The following IFT140 variants were observed in gnomAD, a reference collection of about 807,000 sequenced individuals.
IFT140 encodes intraflagellar transport protein 140 homolog.
A neutral mutation model predicts 164.6 loss-of-function variants in IFT140; 133 were observed. The observed-to-expected ratio is 0.81, with a 90% confidence interval of 0.70 to 0.93. The LOEUF is 0.93. Among genes scored for constraint, IFT140 ranks in the 40% least tolerant of loss-of-function variants. The pLI, the probability that IFT140 is intolerant of heterozygous loss-of-function variation, is 0.00. For synonymous variants in IFT140, 860 were observed against 817.3 expected (o/e 1.05, Z -0.89); for missense variants, 2,045 against 1,972.3 (o/e 1.04, Z -0.70).
chr16:1,544,304 C>T (rs1001415556), intron 19 of IFT140, among the ~76,000 whole-genome samples: 3 of 151,974 alleles, frequency 2.0e-5, no homozygotes, highest in African/African-American at 7.3e-5. Flanking sequence ...CTGCCTCAGC[C>T]TCCTGAGCAG....
chr16:1,565,057 A>G (rs1327539341), intron 16 of IFT140, among the ~76,000 whole-genome samples: 1 of 152,208 alleles, frequency 6.6e-6, no homozygotes, highest in African/African-American at 2.4e-5. Context: ...GAACGGACAG[A>G]AGGCAGGGGG....
At chr16:1,555,947 C>CA (rs548788837) in intron 19 of IFT140, among the ~76,000 whole-genome samples, 12 of 150,710 alleles carry the variant, frequency 8.0e-5, no homozygotes, top group Non-Finnish European at 1.5e-4. Context: ...ACTAAAAATC[C>CA]AAAAAAAAAT....
In IFT140 at chr16:1,573,637, C is replaced by T. The variant is rs77960132; in HGVS notation, c.1525-2103G>A. On this transcript the variant is annotated intron_variant, in intron 13 of 30. Transcript: ENST00000426508. ...CTCAGGCTAGAAAACTCAGAACATC[C>T]TCAGTTCTATACTCTCTGTAGCCAC... Among the ~76,000 whole-genome samples, 1,083 of 152,214 alleles carry T rather than the reference C, an allele frequency of 7.1e-3. 14 individuals are homozygous for T. The highest frequency in any genetic ancestry group is 0.025 in the African/African-American group (1,035 of 41,528).
rs546631348 is a variant in IFT140, at chr16:1,558,012, G to A, written c.2322C>T (p.Asp774=). ...GLEDCDKATR[D]AMLHFSFFVT... is the part of the protein sequence containing the mutation. ...CAAAGAAGCTGAAGTGGAGCATGGC[G>A]TCCCGGGTGGCCTTGTCGCAGTCCT... is the stretch of plus-strand genomic sequence containing the variant. Residue 774 remains aspartate (D), a synonymous_variant, in exon 19 of 31, where the codon GAC becomes GAT. Coordinates refer to ENST00000426508, the MANE Select transcript of IFT140 (RefSeq NM_014714.4). 55 of 1,613,916 alleles carry A rather than the reference G, an allele frequency of 3.4e-5. 1 individual carries two copies. In the South Asian group the frequency reaches 4.9e-4, roughly 14 times the overall value.
At chr16:1,540,672 CGG>C in intron 19 of IFT140, 1 of 230,086 alleles carries the variant, frequency 4.3e-6, no homozygotes, top group Non-Finnish European at 7.2e-6. Context: ...GATGCGGGCG[CGG>C]GGACCCGCTC....
chr16:1,569,898 T>A (rs541237497), intron 14 of IFT140, among the ~76,000 whole-genome samples: 79 of 151,266 alleles, frequency 5.2e-4, no homozygotes, highest in South Asian at 1.3e-3. Flanking sequence ...AAAAAAAAAA[T>A]AATAAATAAA....
At chr16:1,580,667 C>T (rs2034509000) in intron 13 of IFT140, 92 bp downstream of exon 13, 1 of 846,038 alleles carries the variant, frequency 1.2e-6, no homozygotes. Flanking sequence ...GACTAATAAC[C>T]TTAGGTGAAA....
intron 4 of IFT140, 44 bp from the exon 5 acceptor site, chr16:1,592,632 G>C: frequency 6.3e-7 from 1 of 1,582,694 alleles, no homozygotes; most frequent in Non-Finnish European, 8.6e-7. Context: ...TGTCCCGGCA[G>C]AGCGACTGGT....
intron 19 of IFT140, among the ~76,000 whole-genome samples, chr16:1,547,052 C>T (rs926027814): frequency 3.3e-5 from 5 of 152,202 alleles, no homozygotes; most frequent in African/African-American, 1.2e-4. Flanking sequence ...GCTGGGTTTC[C>T]CCTTGTTTTG....
chr16:1,539,669 G>A (rs966734935), intron 19 of IFT140, among the ~76,000 whole-genome samples: 6 of 152,248 alleles, frequency 3.9e-5, no homozygotes, highest in Non-Finnish European at 8.8e-5. Flanking sequence ...TCTCAGTTAC[G>A]TGGCAGTGAC....
At chr16:1,590,734 T>C (rs1231943587) in intron 6 of IFT140, among the ~76,000 whole-genome samples, 1 of 152,222 alleles carries the variant, frequency 6.6e-6, no homozygotes, top group Admixed American at 6.5e-5. Flanking sequence ...CTCTCATCTT[T>C]TTCCCGATGG....
chr16:1,607,807 C>A (rs189478919), intron 2 of IFT140, among the ~76,000 whole-genome samples: 8 of 152,200 alleles, frequency 5.3e-5, no homozygotes, highest in Non-Finnish European at 1.0e-4. Flanking sequence ...CCATGCCCAG[C>A]TAATTTTTAA....
intron 20 of IFT140, 124 bp from the exon 21 acceptor site, chr16:1,526,201 G>A: frequency 3.3e-6 from 3 of 917,472 alleles, no homozygotes; most frequent in East Asian, 2.7e-5. Flanking sequence ...GACACACGGG[G>A]CCGCTGTGGG....
intron 27 of IFT140, 34 bp from the exon 28 acceptor site, chr16:1,520,377 G>A (rs1355100558): frequency 6.2e-7 from 1 of 1,606,840 alleles, no homozygotes; most frequent in African/African-American, 1.3e-5. Flanking sequence ...CAGGCAAGCA[G>A]GGGCTGGGCC....
At chr16:1,556,309 C>T (rs1274416771) in intron 19 of IFT140, among the ~76,000 whole-genome samples, 2 of 152,228 alleles carry the variant, frequency 1.3e-5, no homozygotes, top group Non-Finnish European at 2.9e-5. Context: ...CCCATGCCCC[C>T]ACCCAGAACC....
chr16:1,514,894 TTAAC>T (rs2040296413), intron 30 of IFT140, among the ~76,000 whole-genome samples: 1 of 152,024 alleles, frequency 6.6e-6, no homozygotes, highest in East Asian at 1.9e-4. Flanking sequence ...TTTAAACAAA[TTAAC>T]AAATAGGGAA....
chr16:1,572,445 G>C (rs1372112588), intron 13 of IFT140, among the ~76,000 whole-genome samples: 1 of 152,164 alleles, frequency 6.6e-6, no homozygotes, highest in African/African-American at 2.4e-5. Context: ...AGGAGATCGA[G>C]ACCATCCAGG....
intron 26 of IFT140, among the ~76,000 whole-genome samples, chr16:1,523,220 A>G (rs2040574148): frequency 1.1e-5 from 1 of 87,628 alleles, no homozygotes; most frequent in African/African-American, 5.3e-5. Flanking sequence ...CCCTGTCTCA[A>G]AAAAAAAAAA....
At chr16:1,539,678 A>G (rs1219434016) in intron 19 of IFT140, among the ~76,000 whole-genome samples, 1 of 152,244 alleles carries the variant, frequency 6.6e-6, no homozygotes, top group African/African-American at 2.4e-5. Flanking sequence ...CGTGGCAGTG[A>G]CGCTCACTGG....
Sources: allele counts gnomAD v4.1 joint callset (sites outside exome capture counted in the v4.1 genomes callset), GRCh38; gene constraint gnomAD v4.1.1; transcripts MANE v1.5; gene names NCBI Gene and HGNC (gene_info 2026-07-23, HGNC 2026-07-21).